The following AGBL1 variants were observed in gnomAD, a reference collection of about 807,000 sequenced individuals.
AGBL1 encodes the protein AGBL carboxypeptidase 1, also known as cytosolic carboxypeptidase 4.
In AGBL1, 130 loss-of-function variants were observed where a neutral mutation model predicts 118.9. The observed-to-expected ratio is 1.09, with a 90% CI of 0.95 to 1.26. AGBL1 has a LOEUF of 1.26. AGBL1 is among the 50% of genes most tolerant of loss of function. AGBL1 has a pLI of 0.00. For synonymous variants in AGBL1, 555 were observed against 478.9 expected, an observed-to-expected ratio of 1.16 and a Z score of -2.08; for missense variants, 1,584 against 1,298.1, an observed-to-expected ratio of 1.22 and a Z score of -3.38.
rs2080321396 is a variant in AGBL1, at chr15:86,909,442, A to T, written c.*2148A>T. 2 of 152,270 alleles carry T rather than the reference A, an allele frequency of 1.3e-5. No individual in the cohort carries two copies. The highest frequency in any genetic ancestry group is 2.9e-5 in the Non-Finnish European group (2 of 68,048). 9.4% of individuals were successfully genotyped at this position (152,270 alleles called of 1,614,324 possible). On this transcript the variant is annotated 3_prime_UTR_variant, in exon 23 of 23. Transcript: ENST00000614907. ...CAAAACAGGATTAGCTCCAAGGCAT[A>T]GAAGAAAGGCATCTGTGTTGTGATT...
intron 21 of AGBL1, among the ~76,000 whole-genome samples, chr15:86,578,076 C>T (rs927222716): frequency 2.0e-5 from 3 of 151,688 alleles, no homozygotes; most frequent in African/African-American, 7.3e-5. Flanking sequence ...TGACAGCTTG[C>T]ACCGTGTGCC....
At chr15:86,687,081 A>G (rs2086071543) in intron 22 of AGBL1, among the ~76,000 whole-genome samples, 1 of 152,162 alleles carries the variant, frequency 6.6e-6, no homozygotes. Context: ...AAGCTGCTCT[A>G]TGAATTCCAG....
In AGBL1 at chr15:86,827,609, G is replaced by T. The variant is rs933074941; in HGVS notation, c.3159-79478G>T. Among the ~76,000 whole-genome samples the T allele has an allele frequency of 3.6e-5, 5 of 139,852 alleles. No homozygotes were observed. In the Admixed American group the frequency reaches 3.8e-4, roughly 11 times the overall value. 91.7% of individuals were successfully genotyped at this position (139,852 alleles called of 152,430 possible). Reference sequence around the variant, plus strand: ...TAGCCAGCCATGTTGATTATCTGATGTGTAGAGCAATGGCTGTTACAGTGA... The same window carrying T: ...TAGCCAGCCATGTTGATTATCTGATTTGTAGAGCAATGGCTGTTACAGTGA... On this transcript the variant is annotated intron_variant, in intron 22 of 22. Coordinates refer to ENST00000614907, the MANE Select transcript of AGBL1 (RefSeq NM_001386094.1).
At chr15:86,492,687 G>C (rs1051830710) in intron 18 of AGBL1, among the ~76,000 whole-genome samples, 2 of 151,782 alleles carry the variant, frequency 1.3e-5, no homozygotes, top group Non-Finnish European at 2.9e-5. Flanking sequence ...CCATTGATGA[G>C]TTTTAAGCAA....
intron 21 of AGBL1, among the ~76,000 whole-genome samples, chr15:86,579,735 G>A (rs1357787420): frequency 6.6e-6 from 1 of 152,174 alleles, no homozygotes; most frequent in Non-Finnish European, 1.5e-5. Flanking sequence ...CTTGGGGCAG[G>A]GAGACCAGTC....
At chr15:86,698,610 G>GC (rs2086302879) in intron 22 of AGBL1, among the ~76,000 whole-genome samples, 1 of 138,486 alleles carries the variant, frequency 7.2e-6, no homozygotes, top group Non-Finnish European at 1.6e-5. Flanking sequence ...GCTGATCATT[G>GC]TTTTTTTTTT....
At chr15:86,850,559 A>G (rs2079394531) in intron 22 of AGBL1, among the ~76,000 whole-genome samples, 1 of 152,208 alleles carries the variant, frequency 6.6e-6, no homozygotes. Context: ...TTCTTTCTGC[A>G]TCAAAACCCA....
At chr15:86,102,127 G>T (rs1183333670) in intron 1 of AGBL1, among the ~76,000 whole-genome samples, 1 of 150,780 alleles carries the variant, frequency 6.6e-6, no homozygotes, top group Non-Finnish European at 1.5e-5. Flanking sequence ...TGCAACCTCC[G>T]CCTCCCAGGT....
At chr15:86,489,232 C>G (rs1048064712) in intron 18 of AGBL1, among the ~76,000 whole-genome samples, 9 of 152,116 alleles carry the variant, frequency 5.9e-5, no homozygotes, top group African/African-American at 2.2e-4. Context: ...TGATAAGGAG[C>G]CTTCCATTTG....
intron 22 of AGBL1, among the ~76,000 whole-genome samples, chr15:86,739,329 G>C (rs1376594539): frequency 6.6e-6 from 1 of 151,288 alleles, no homozygotes; most frequent in Non-Finnish European, 1.5e-5. Context: ...TGTAATCCCA[G>C]CTACTCAAGA....
chr15:86,156,537 A>G, intron 4 of AGBL1, among the ~76,000 whole-genome samples: 1 of 152,190 alleles, frequency 6.6e-6, no homozygotes, highest in Non-Finnish European at 1.5e-5. Context: ...TTAGGAGTGG[A>G]CACAACTAGC....
chr15:86,426,718 A>G (rs1005353904), intron 18 of AGBL1, among the ~76,000 whole-genome samples: 1 of 152,164 alleles, frequency 6.6e-6, no homozygotes, highest in African/African-American at 2.4e-5. Flanking sequence ...AAGCTGCCCA[A>G]GTGGGGCTGC....
At chr15:86,957,318 C>T (rs1031610160) in intron 23 of AGBL1, among the ~76,000 whole-genome samples, 1 of 152,040 alleles carries the variant, frequency 6.6e-6, no homozygotes, top group East Asian at 1.9e-4. Flanking sequence ...TCTATCATCA[C>T]ATTGTAGTGA....
chr15:86,268,002 T>A (rs1251591557), intron 13 of AGBL1, among the ~76,000 whole-genome samples: 2 of 152,246 alleles, frequency 1.3e-5, no homozygotes, highest in Non-Finnish European at 2.9e-5. Context: ...TAATCGCACC[T>A]ACTACTTTGG....
chr15:86,492,789 G>A (rs2082800626), intron 18 of AGBL1, among the ~76,000 whole-genome samples: 1 of 152,084 alleles, frequency 6.6e-6, no homozygotes, highest in Non-Finnish European at 1.5e-5. Context: ...CAATTTCAAG[G>A]TCATAGGAGG....
At chr15:86,994,548 G>C (rs575197204) in intron 24 of AGBL1, among the ~76,000 whole-genome samples, 1 of 152,218 alleles carries the variant, frequency 6.6e-6, no homozygotes, top group East Asian at 1.9e-4. Flanking sequence ...TTGGAAAATA[G>C]GTTAATGATT....
intron 23 of AGBL1, among the ~76,000 whole-genome samples, chr15:86,923,905 A>G (rs2080505186): frequency 6.6e-6 from 1 of 152,192 alleles, no homozygotes; most frequent in African/African-American, 2.4e-5. Context: ...TTGGACGAAA[A>G]TCCTCTACTT....
At chr15:86,200,382 C>T (rs938265369) in intron 5 of AGBL1, among the ~76,000 whole-genome samples, 4 of 152,080 alleles carry the variant, frequency 2.6e-5, no homozygotes, top group Non-Finnish European at 5.9e-5. Context: ...ATCTTTAGCA[C>T]CTCATTTATG....
At chr15:86,574,547 C>G (rs959288120) in intron 21 of AGBL1, among the ~76,000 whole-genome samples, 5 of 135,612 alleles carry the variant, frequency 3.7e-5, no homozygotes, top group African/African-American at 1.4e-4. Flanking sequence ...AACATATGTT[C>G]TATACAATTC....
Sources: gnomAD v4.1 joint callset for allele counts (sites outside exome capture counted in the v4.1 genomes callset) on GRCh38, gnomAD v4.1.1 for gene constraint, MANE v1.5 for transcripts, NCBI Gene and HGNC (gene_info 2026-07-23, HGNC 2026-07-21) for gene names.